The following RAG1 variants were observed in gnomAD, a reference collection of about 807,000 sequenced individuals.
RAG1 encodes the protein recombination activating 1, also known as V(D)J recombination-activating protein 1.
RAG1 carries 35 observed loss-of-function variants against 62.7 expected under a neutral mutation model. The observed-to-expected ratio is 0.56, with a 90% CI of 0.43 to 0.74. The LOEUF (loss-of-function observed/expected upper bound fraction) is 0.74. RAG1 is among the 30% of genes least tolerant of loss of function. The pLI is 0.00. For missense variants in RAG1, 1,169 were observed against 1,278.6 expected, an observed-to-expected ratio of 0.91 and a Z score of 1.31; for synonymous variants, 461 against 470.3, an observed-to-expected ratio of 0.98 and a Z score of 0.26.
intron 2 of RAG1, among the ~76,000 whole-genome samples, chr11:36,521,507 C>T (rs1860079748): frequency 6.6e-6 from 1 of 152,136 alleles, no homozygotes; most frequent in South Asian, 2.1e-4. Context: ...AACTGTGAGT[C>T]CAATAAACCT....
downstream of RAG1, among the ~76,000 whole-genome samples, chr11:36,536,361 G>T (rs551899666): frequency 6.6e-6 from 1 of 152,134 alleles, no homozygotes; most frequent in East Asian, 1.9e-4. Flanking sequence ...TTGAATGAAA[G>T]AAGCCAGAAA....
Position 36,573,383 on chromosome 11 carries a change from G to C in RAG1, c.79G>C (p.Glu27Gln). Reference protein sequence around the residue: ...EIQHPHIKFSEWKFKLFRVRS... With the variant: ...EIQHPHIKFSQWKFKLFRVRS... ...TCAGCACCCACATATTAAATTTTCA[G>C]AATGGAAATTTAAGCTGTTCCGGGT... The change falls in exon 2 of 2, where the codon GAA (glutamate) becomes CAA (glutamine). Residue 27 changes from glutamate (E) to glutamine (Q), a missense_variant. Glu to Gln is a conservative substitution (Grantham distance 29, BLOSUM62 2). Around this residue, in one of 2 missense-constraint regions of RAG1, gnomAD observed 369 missense variants for 335.3 expected, o/e 1.10. Transcript: ENST00000299440. 6.2e-7 allele frequency: 1 copy of C among 1,614,086 alleles called. No individual in the cohort carries two copies. The highest frequency in any genetic ancestry group is 1.1e-5 in the South Asian group (1 of 91,072).
At chr11:36,541,431 A>C (rs1250600143) in intron 3 of RAG1, among the ~76,000 whole-genome samples, 1 of 152,230 alleles carries the variant, frequency 6.6e-6, no homozygotes. Flanking sequence ...ACACATTAAC[A>C]CTGAATTGCA....
intron 3 of RAG1, among the ~76,000 whole-genome samples, chr11:36,561,646 G>C (rs762574031): frequency 6.6e-6 from 1 of 152,174 alleles, no homozygotes; most frequent in Non-Finnish European, 1.5e-5. Flanking sequence ...AAAGGAGGAG[G>C]AAGGGTAAAT....
chr11:36,570,694 T>C (rs1850726876), intron 1 of RAG1, among the ~76,000 whole-genome samples: 1 of 152,224 alleles, frequency 6.6e-6, no homozygotes, highest in Non-Finnish European at 1.5e-5. Flanking sequence ...TTATTGCTTG[T>C]CATTTGGATA....
chr11:36,543,777 A>T (rs928879268), intron 3 of RAG1, among the ~76,000 whole-genome samples: 1 of 152,222 alleles, frequency 6.6e-6, no homozygotes, highest in Non-Finnish European at 1.5e-5. Flanking sequence ...TTTGGGGGGA[A>T]CTTCTTTTCT....
At chr11:36,526,014 T>C (rs1860156707) in intron 2 of RAG1, among the ~76,000 whole-genome samples, 1 of 152,238 alleles carries the variant, frequency 6.6e-6, no homozygotes, top group Non-Finnish European at 1.5e-5. Context: ...GTTTTGAATA[T>C]TGAACTAGTC....
intron 2 of RAG1, among the ~76,000 whole-genome samples, chr11:36,524,277 A>T (rs1860124596): frequency 1.3e-5 from 2 of 151,938 alleles, no homozygotes; most frequent in South Asian, 4.2e-4. Flanking sequence ...CCAACATGGC[A>T]CATGTATATA....
At chr11:36,573,198 A>C in intron 1 of RAG1, 93 bp from the exon 2 acceptor site, 1 of 1,241,942 alleles carries the variant, frequency 8.1e-7, no homozygotes, top group Non-Finnish European at 1.1e-6. Context: ...ATACATGAAT[A>C]AATAATTGAA....
chr11:36,563,882 C>T (rs1850624758), upstream of RAG1, among the ~76,000 whole-genome samples: 1 of 152,244 alleles, frequency 6.6e-6, no homozygotes, highest in Non-Finnish European at 1.5e-5. Flanking sequence ...GGCATTCAGG[C>T]CATTATGTTT....
At chr11:36,557,682 G>A (rs897509512) in intron 3 of RAG1, among the ~76,000 whole-genome samples, 5 of 151,350 alleles carry the variant, frequency 3.3e-5, no homozygotes, top group Admixed American at 2.0e-4. Context: ...CACATTCTGA[G>A]GTACTGGTGG....
downstream of RAG1, among the ~76,000 whole-genome samples, chr11:36,540,021 G>T (rs1176101112): frequency 6.6e-6 from 1 of 152,146 alleles, no homozygotes; most frequent in African/African-American, 2.4e-5. Flanking sequence ...CAAGCAGCAG[G>T]TTATTGTGTT....
chr11:36,537,293 C>G (rs919010931), downstream of RAG1, among the ~76,000 whole-genome samples: 4 of 152,010 alleles, frequency 2.6e-5, no homozygotes, highest in South Asian at 8.3e-4. Context: ...GTTAAGTGTT[C>G]TTCACACAAA....
At chr11:36,524,230 T>C (rs1221559580) in intron 2 of RAG1, among the ~76,000 whole-genome samples, 1 of 151,672 alleles carries the variant, frequency 6.6e-6, no homozygotes, top group African/African-American at 2.4e-5. Context: ...TTAGGAAATA[T>C]ACCTAATGTA....
At chr11:36,571,742 G>A (rs552954742) in intron 1 of RAG1, among the ~76,000 whole-genome samples, 3 of 152,212 alleles carry the variant, frequency 2.0e-5, no homozygotes, top group Non-Finnish European at 2.9e-5. Context: ...AGCCTCCCGA[G>A]TAGCTGGGAT....
In RAG1 at chr11:36,573,643, C is replaced by A; in HGVS notation, c.339C>A (p.Ile113=). 1 of 1,614,164 alleles carries A rather than the reference C, an allele frequency of 6.2e-7. No individual in the cohort carries two copies. ...CCAACCTTCGACATCTCTGCCGCAT[C>A]TGTGGGAATTCTTTTAGAGCTGATG... ...HQANLRHLCR[I]CGNSFRADEH... is the part of the protein sequence containing the mutation. Residue 113 remains isoleucine (I), a synonymous_variant, in exon 2 of 2, where the codon ATC becomes ATA. Transcript: ENST00000299440.
chr11:36,566,258 C>A (rs190278950), upstream of RAG1, among the ~76,000 whole-genome samples: 1 of 152,120 alleles, frequency 6.6e-6, no homozygotes, highest in Non-Finnish European at 1.5e-5. Context: ...AGGTTATGGG[C>A]AACCAACCAA....
chr11:36,561,761 C>T (rs1320465170), intron 3 of RAG1, among the ~76,000 whole-genome samples: 4 of 152,182 alleles, frequency 2.6e-5, no homozygotes, highest in African/African-American at 9.7e-5. Context: ...TGGATTGGTA[C>T]TGAAACTATA....
intron 3 of RAG1, among the ~76,000 whole-genome samples, chr11:36,541,895 C>T (rs560735619): frequency 6.6e-5 from 10 of 152,140 alleles, no homozygotes; most frequent in Admixed American, 1.3e-4. Flanking sequence ...AAAAAAACCA[C>T]CTACCGCCCC....
Sources: gnomAD v4.1 joint callset for allele counts (sites outside exome capture counted in the v4.1 genomes callset) on GRCh38, gnomAD v4.1.1 for gene constraint, gnomAD v4.1.1 regional missense constraint, MANE v1.5 for transcripts, NCBI Gene and HGNC (gene_info 2026-07-23, HGNC 2026-07-21) for gene names.